The following SNTB1 variants were observed in gnomAD, a reference collection of about 807,000 sequenced individuals.
SNTB1 encodes beta-1-syntrophin.
In SNTB1, 36 loss-of-function variants were observed where a neutral mutation model predicts 48.9. The ratio of observed to expected loss-of-function variants is 0.74; its 90% CI spans 0.56 to 0.97. The LOEUF is 0.97. Among genes scored for constraint, SNTB1 ranks in the 50% least tolerant of loss-of-function variants. The probability of loss-of-function intolerance (pLI) is 0.00; values close to 1 mark genes in which losing one functional copy is unlikely to be tolerated. For synonymous variants in SNTB1, 299 were observed against 294.6 expected (o/e 1.01, Z -0.15); for missense variants, 786 against 703.4 (o/e 1.12, Z -1.33).
chr8:120,775,207 T>C (rs1819710474), intron 1 of SNTB1: 1 of 152,164 alleles, frequency 6.6e-6, no homozygotes, highest in Non-Finnish European at 1.5e-5. Context: ...ATGCTTGCTT[T>C]GTATGGGTTT....
chr8:120,706,472 T>C (rs1393355311), intron 1 of SNTB1, among the ~76,000 whole-genome samples: 1 of 152,132 alleles, frequency 6.6e-6, no homozygotes, highest in Non-Finnish European at 1.5e-5. Flanking sequence ...AGTTTATTCA[T>C]CAGATATTAA....
chr8:120,685,547 G>T (rs753917365), intron 2 of SNTB1, among the ~76,000 whole-genome samples: 1 of 152,216 alleles, frequency 6.6e-6, no homozygotes, highest in Non-Finnish European at 1.5e-5. Flanking sequence ...TCATTAAATT[G>T]TTCTGTTCCC....
intron 3 of SNTB1, among the ~76,000 whole-genome samples, chr8:120,610,650 T>G: frequency 6.6e-6 from 1 of 152,156 alleles, no homozygotes; most frequent in Non-Finnish European, 1.5e-5. Flanking sequence ...AGTGGGCAAC[T>G]TGAGAAACCA....
At chr8:120,573,901 C>T (rs1369576284) in intron 4 of SNTB1, among the ~76,000 whole-genome samples, 1 of 152,042 alleles carries the variant, frequency 6.6e-6, no homozygotes, top group East Asian at 1.9e-4. Flanking sequence ...GTTTTTATGC[C>T]AGTATCATAA....
chr8:120,629,146 T>A (rs1364828720), intron 3 of SNTB1, among the ~76,000 whole-genome samples: 1 of 152,132 alleles, frequency 6.6e-6, no homozygotes, highest in Non-Finnish European at 1.5e-5. Context: ...TTCTTTCTCC[T>A]CTCTTGGAGT....
At chr8:120,700,040 G>A (rs991151371) in intron 1 of SNTB1, among the ~76,000 whole-genome samples, 5 of 151,956 alleles carry the variant, frequency 3.3e-5, no homozygotes, top group Admixed American at 6.6e-5. Flanking sequence ...TTGGTCATTC[G>A]CCCAAAGTCA....
intron 2 of SNTB1, among the ~76,000 whole-genome samples, chr8:120,645,101 C>A (rs1817265680): frequency 6.7e-6 from 1 of 149,678 alleles, no homozygotes; most frequent in South Asian, 2.1e-4. Flanking sequence ...AATTTTCTCC[C>A]ATTTTGTAGG....
At chr8:120,799,087 T>C (rs1820171640) in intron 1 of SNTB1, among the ~76,000 whole-genome samples, 1 of 152,038 alleles carries the variant, frequency 6.6e-6, no homozygotes, top group South Asian at 2.1e-4. Flanking sequence ...TTTACCGGCT[T>C]TCTCACTCAC....
chr8:120,747,344 G>A (rs1458561051), intron 1 of SNTB1, among the ~76,000 whole-genome samples: 1 of 152,208 alleles, frequency 6.6e-6, no homozygotes, highest in East Asian at 1.9e-4. Context: ...AGGCTGGAGT[G>A]CAGTGGCACA....
chr8:120,669,451 T>G lies in SNTB1; in HGVS notation c.788+24241A>C. ...TCAAAATGAAAATGCTTGTTTTTTT[T>G]TTTTTTTTTTTTGAGACGGAGTCTC... On this transcript the variant is annotated intron_variant, in intron 2 of 6. Transcript: ENST00000517992. 5.7e-5 allele frequency among the ~76,000 whole-genome samples: 2 copies of G among 35,286 alleles called. 1 individual carries two copies. Among genetic ancestry groups the G allele is most frequent in the East Asian group, 9.4e-4 (2 of 2,126 alleles). 23.1% of individuals were successfully genotyped at this position (35,286 alleles called of 152,430 possible).
chr8:120,637,099 G>T, intron 2 of SNTB1: 1 of 368,740 alleles, frequency 2.7e-6, no homozygotes, highest in South Asian at 3.0e-5. Flanking sequence ...GCATTGGCCA[G>T]TGTTTGCAGG....
intron 1 of SNTB1, among the ~76,000 whole-genome samples, chr8:120,730,717 T>C (rs1321205120): frequency 3.3e-5 from 5 of 152,212 alleles, no homozygotes; most frequent in Admixed American, 2.6e-4. Flanking sequence ...TAATCTCATC[T>C]TCTGTAAAGT....
At position 120,749,957 on chromosome 8, in the gene SNTB1, T is replaced by C. The variant is rs1191542092; in HGVS notation, c.572-56049A>G. Among the ~76,000 whole-genome samples, 3 of 152,194 alleles carry C rather than the reference T, an allele frequency of 2.0e-5. 1 individual carries two copies. Among genetic ancestry groups the C allele is most frequent in the Admixed American group, 1.3e-4 (2 of 15,272 alleles). ...TTTTAAAGTTTTTGCTTTATAAACCTCTAGCAATCACAGAACATGAACAGA... is the reference window on the plus strand; with the variant it reads ...TTTTAAAGTTTTTGCTTTATAAACCCCTAGCAATCACAGAACATGAACAGA... On this transcript the variant is annotated intron_variant, in intron 1 of 6. Coordinates refer to ENST00000517992, the MANE Select transcript of SNTB1 (RefSeq NM_021021.4).
At chr8:120,795,754 A>T (rs1293215965) in intron 1 of SNTB1, among the ~76,000 whole-genome samples, 1 of 151,936 alleles carries the variant, frequency 6.6e-6, no homozygotes, top group African/African-American at 2.4e-5. Context: ...CCTTCTGAAG[A>T]CTGTGAGGGA....
At chr8:120,571,478 GGTTTTTTTTTTTTTTT>G in intron 4 of SNTB1, 3 of 243,000 alleles carry the variant, frequency 1.2e-5, no homozygotes, top group South Asian at 3.5e-5. Flanking sequence ...GACTATTGAG[GGTTTTTTTTTTTTTTT>G]TTTTTTTTTT....
chr8:120,543,778 C>T (rs1255637212), intron 5 of SNTB1, among the ~76,000 whole-genome samples: 1 of 152,186 alleles, frequency 6.6e-6, no homozygotes, highest in Non-Finnish European at 1.5e-5. Flanking sequence ...CTTCTCCAGA[C>T]TGACTTGCAG....
chr8:120,756,936 T>C (rs1407878625), intron 1 of SNTB1, among the ~76,000 whole-genome samples: 1 of 152,216 alleles, frequency 6.6e-6, no homozygotes, highest in African/African-American at 2.4e-5. Flanking sequence ...TTTGCCAGGA[T>C]AGGAAGAACC....
intron 2 of SNTB1, among the ~76,000 whole-genome samples, chr8:120,644,796 C>T (rs1269906644): frequency 2.0e-5 from 3 of 148,966 alleles, no homozygotes; most frequent in Non-Finnish European, 4.5e-5. Flanking sequence ...AAAAGTGTTC[C>T]TGTTTCTCCA....
chr8:120,679,643 C>T (rs1428972489), intron 2 of SNTB1, among the ~76,000 whole-genome samples: 2 of 152,192 alleles, frequency 1.3e-5, no homozygotes, highest in African/African-American at 4.8e-5. Context: ...CTGCCCTAAC[C>T]TTATAAAAGA....
Sources: gnomAD v4.1 joint callset for allele counts (sites outside exome capture counted in the v4.1 genomes callset) on GRCh38, gnomAD v4.1.1 for gene constraint, MANE v1.5 for transcripts, NCBI Gene and HGNC (gene_info 2026-07-23, HGNC 2026-07-21) for gene names.